Variants in CSMD1 observed in about 807,000 individuals in gnomAD.
CSMD1 encodes the protein CUB and Sushi multiple domains 1.
CSMD1 carries 213 observed loss-of-function variants against 417.5 expected under a neutral mutation model. That is an observed-to-expected ratio of 0.51 (90% CI 0.46 to 0.57). CSMD1 has a LOEUF of 0.57. CSMD1 is among the 20% of genes least tolerant of loss of function. The pLI is 0.00. For missense variants in CSMD1, 6,923 were observed against 4,529.7 expected (o/e 1.53, Z -15.17); for synonymous variants, 2,862 against 1,736.8 (o/e 1.65, Z -16.11).
At chr8:4,553,205 C>T (rs1476537429) in intron 2 of CSMD1, among the ~76,000 whole-genome samples, 3 of 152,182 alleles carry the variant, frequency 2.0e-5, no homozygotes, top group Non-Finnish European at 4.4e-5. Flanking sequence ...ACATGTGTGT[C>T]TGTGGAACTC....
chr8:2,960,939 G>GATATATATATATATATATATATATAT lies in CSMD1; in HGVS notation c.9702+176_9702+201dup, dbSNP rs3076013. Among the ~76,000 whole-genome samples, 5 of 122,034 alleles carry GATATATATATATATATATATATATAT rather than the reference G, an allele frequency of 4.1e-5. 1 individual carries two copies. Among genetic ancestry groups the GATATATATATATATATATATATATAT allele is most frequent in the East Asian group, 5.5e-4 (2 of 3,658 alleles). The allele number at this position is 122,034 out of a possible 152,430, so 80.1% of individuals were successfully genotyped here. ...TATTCCATTATTATCTAGTAAGCAA[G>GATATATATATATATATATATATATAT]ATATATATATATATATATATATATA... On this transcript the variant is annotated intron_variant, in intron 62 of 69. Coordinates refer to ENST00000635120, the MANE Select transcript of CSMD1 (RefSeq NM_033225.6).
At chr8:3,820,247 G>C (rs751770778) in intron 5 of CSMD1, among the ~76,000 whole-genome samples, 1 of 152,148 alleles carries the variant, frequency 6.6e-6, no homozygotes, top group African/African-American at 2.4e-5. Context: ...ACACTTCCCA[G>C]ACCATGTGGC....
At chr8:3,900,666 G>A (rs2975336) in intron 5 of CSMD1, among the ~76,000 whole-genome samples, 24,062 of 151,916 alleles carry the variant, frequency 0.16, 2,299 homozygotes, top group East Asian at 0.3. Flanking sequence ...GAGTGACAGT[G>A]TAGCTAGGTG....
intron 57 of CSMD1, among the ~76,000 whole-genome samples, chr8:2,967,646 G>C (rs1804085149): frequency 6.6e-6 from 1 of 152,096 alleles, no homozygotes; most frequent in African/African-American, 2.4e-5. Flanking sequence ...GTGACCCTTG[G>C]CTGGTTAACA....
chr8:3,020,945 C>A (rs895579727), intron 51 of CSMD1, among the ~76,000 whole-genome samples: 1 of 152,192 alleles, frequency 6.6e-6, no homozygotes, highest in East Asian at 1.9e-4. Context: ...TAGATTTTTA[C>A]AATTTGTTAT....
In CSMD1 at chr8:4,418,284, A is replaced by G. The variant is rs550339761; in HGVS notation, c.415+1669T>C. Among the ~76,000 whole-genome samples the G allele has an allele frequency of 2.1e-3, 319 of 152,274 alleles. 3 individuals carry two copies. Among genetic ancestry groups the G allele is most frequent in the African/African-American group, 7.2e-3 (301 of 41,568 alleles). ...AACTTATGGCCCTATTCCATTTTCTAGAAAGTTTTTCAGTTGATCTTTTGG... is the reference window on the plus strand; with the variant it reads ...AACTTATGGCCCTATTCCATTTTCTGGAAAGTTTTTCAGTTGATCTTTTGG... On this transcript the variant is annotated intron_variant, in intron 3 of 69. Transcript: ENST00000635120.
chr8:3,586,971 TG>T (rs2089943437), intron 8 of CSMD1, among the ~76,000 whole-genome samples: 1 of 152,186 alleles, frequency 6.6e-6, no homozygotes, highest in Non-Finnish European at 1.5e-5. Flanking sequence ...GGCTAATTTT[TG>T]TATTTTTAGT....
At chr8:3,812,124 C>G (rs754013431) in intron 5 of CSMD1, among the ~76,000 whole-genome samples, 2 of 152,086 alleles carry the variant, frequency 1.3e-5, no homozygotes, top group African/African-American at 4.8e-5. Context: ...AAACGGGTGT[C>G]CATATTTGTA....
chr8:4,864,151 T>A (rs1201499689), intron 1 of CSMD1, among the ~76,000 whole-genome samples: 1 of 151,910 alleles, frequency 6.6e-6, no homozygotes, highest in Non-Finnish European at 1.5e-5. Context: ...ATTGATCACT[T>A]CTGTGGATTT....
At chr8:3,846,310 A>G (rs1009596377) in intron 5 of CSMD1, among the ~76,000 whole-genome samples, 6 of 152,192 alleles carry the variant, frequency 3.9e-5, no homozygotes, top group South Asian at 2.1e-4. Context: ...TTCCAGCTCC[A>G]TGAGAATCTT....
chr8:3,075,245 C>G (rs1372972331), intron 49 of CSMD1, among the ~76,000 whole-genome samples: 1 of 151,050 alleles, frequency 6.6e-6, no homozygotes, highest in East Asian at 1.9e-4. Context: ...ATTACCCAGC[C>G]TCAGGTATTT....
intron 5 of CSMD1, among the ~76,000 whole-genome samples, chr8:3,840,043 C>T (rs1456089254): frequency 6.6e-6 from 1 of 152,134 alleles, no homozygotes; most frequent in East Asian, 1.9e-4. Flanking sequence ...TCTAGGAATC[C>T]TCTGGGTTGA....
chr8:4,705,372 C>G (rs190647073), intron 1 of CSMD1, among the ~76,000 whole-genome samples: 1 of 152,268 alleles, frequency 6.6e-6, no homozygotes, highest in Non-Finnish European at 1.5e-5. Context: ...TGATGTAAGA[C>G]AACCCAGCGT....
chr8:4,433,230 G>A (rs1283769739), intron 2 of CSMD1, among the ~76,000 whole-genome samples: 2 of 152,104 alleles, frequency 1.3e-5, no homozygotes, highest in Non-Finnish European at 2.9e-5. Flanking sequence ...CAAATAAAGT[G>A]CATTATAAAT....
intron 10 of CSMD1, among the ~76,000 whole-genome samples, chr8:3,538,932 C>CGTTTGGG (rs1275038694): frequency 6.6e-6 from 1 of 152,168 alleles, no homozygotes; most frequent in African/African-American, 2.4e-5. Flanking sequence ...GCCAGAGCAA[C>CGTTTGGG]GTTTGTGAGA....
chr8:3,008,853 G>A (rs966754409), intron 52 of CSMD1, among the ~76,000 whole-genome samples: 1 of 152,198 alleles, frequency 6.6e-6, no homozygotes, highest in Non-Finnish European at 1.5e-5. Flanking sequence ...GACCCTCAAA[G>A]AGACCTGAGG....
At chr8:2,982,667 C>T (rs1395050507) in intron 54 of CSMD1, among the ~76,000 whole-genome samples, 1 of 152,148 alleles carries the variant, frequency 6.6e-6, no homozygotes, top group East Asian at 1.9e-4. Flanking sequence ...CAGGAGCTGC[C>T]CTGTCCTGCC....
chr8:3,690,284 C>A (rs1480555920), intron 7 of CSMD1, among the ~76,000 whole-genome samples: 1 of 152,178 alleles, frequency 6.6e-6, no homozygotes, highest in African/African-American at 2.4e-5. Context: ...ATCGTTTGAG[C>A]CCAGGAGGTG....
intron 1 of CSMD1, among the ~76,000 whole-genome samples, chr8:4,697,826 C>G (rs1174637055): frequency 2.0e-5 from 3 of 152,140 alleles, no homozygotes; most frequent in Admixed American, 1.3e-4. Context: ...AACACTAAGC[C>G]ATAATTTCAA....
Sources: allele counts gnomAD v4.1 joint callset (sites outside exome capture counted in the v4.1 genomes callset), GRCh38; gene constraint gnomAD v4.1.1; transcripts MANE v1.5; gene names NCBI Gene and HGNC (gene_info 2026-07-23, HGNC 2026-07-21).